KIFAP3: variants seen among roughly 807,000 people sequenced by gnomAD.
KIFAP3 encodes kinesin-associated protein 3.
In KIFAP3, 68 loss-of-function variants were observed where a neutral mutation model predicts 106.5. The observed-to-expected ratio is 0.64, with a 90% CI of 0.53 to 0.78. The LOEUF is 0.78. KIFAP3 is among the 30% of genes least tolerant of loss of function. The pLI is 0.00. For missense variants in KIFAP3, 780 were observed against 941.8 expected (o/e 0.83, Z 2.25); for synonymous variants, 320 against 311.5 (o/e 1.03, Z -0.29).
chr1:169,984,731 G>T, intron 11 of KIFAP3, 41 bp from the exon 12 acceptor site: 1 of 1,085,094 alleles, frequency 9.2e-7, no homozygotes, highest in Non-Finnish European at 1.4e-6. Context: ...AAGAAACAAA[G>T]ACAAAAAACC....
chr1:170,033,600 G>A (rs561447626), intron 7 of KIFAP3, among the ~76,000 whole-genome samples: 1 of 151,838 alleles, frequency 6.6e-6, no homozygotes, highest in Non-Finnish European at 1.5e-5. Flanking sequence ...CTTCAAATAT[G>A]AGAAGAATTA....
At chr1:170,052,441 G>A (rs888283948) in intron 2 of KIFAP3, among the ~76,000 whole-genome samples, 4 of 152,122 alleles carry the variant, frequency 2.6e-5, no homozygotes, top group African/African-American at 9.7e-5. Flanking sequence ...CATTATTTCT[G>A]AAACTATTCC....
intron 10 of KIFAP3, among the ~76,000 whole-genome samples, chr1:170,000,668 G>A (rs1006920505): frequency 4.6e-5 from 7 of 152,034 alleles, no homozygotes; most frequent in Non-Finnish European, 8.8e-5. Context: ...AGCATATACT[G>A]CAGATATATA....
chr1:170,066,207 C>G (rs900826474), intron 1 of KIFAP3, among the ~76,000 whole-genome samples: 1 of 137,116 alleles, frequency 7.3e-6, no homozygotes, highest in African/African-American at 2.8e-5. Flanking sequence ...TTATAGCTGT[C>G]ATATGCATTA....
chr1:169,982,957 G>T (rs886485424), intron 13 of KIFAP3, 90 bp from the exon 14 acceptor site: 1 of 759,002 alleles, frequency 1.3e-6, no homozygotes. Context: ...CTCATTGAAA[G>T]AAAAAGTAAA....
intron 1 of KIFAP3, among the ~76,000 whole-genome samples, chr1:170,064,272 T>G (rs1671325677): frequency 6.6e-6 from 1 of 152,242 alleles, no homozygotes; most frequent in Admixed American, 6.5e-5. Context: ...GGACTCCTGG[T>G]GAAATGTTGA....
chr1:170,016,766 T>G (rs1668545126), intron 9 of KIFAP3, 142 bp from the exon 10 acceptor site: 1 of 502,256 alleles, frequency 2.0e-6, no homozygotes, highest in Non-Finnish European at 3.3e-6. Flanking sequence ...TTTCATTCTG[T>G]AAACTTTCCT....
intron 11 of KIFAP3, among the ~76,000 whole-genome samples, chr1:169,985,010 T>C (rs538376397): frequency 1.3e-5 from 2 of 151,756 alleles, no homozygotes; most frequent in South Asian, 2.1e-4. Flanking sequence ...GCAAAGAAAA[T>C]AGCTTATGCA....
At chr1:169,925,896 T>C (rs1396356905) in intron 19 of KIFAP3, among the ~76,000 whole-genome samples, 1 of 152,160 alleles carries the variant, frequency 6.6e-6, no homozygotes, top group East Asian at 1.9e-4. Context: ...TAAAACGAGA[T>C]AAAAGCAACA....
At chr1:170,068,241 CAA>C (rs1175999039) in intron 1 of KIFAP3, 1 of 152,088 alleles carries the variant, frequency 6.6e-6, no homozygotes. Flanking sequence ...TGCTACAGCA[CAA>C]ACACTGGACT....
chr1:170,064,621 T>C (rs12137279), intron 1 of KIFAP3, among the ~76,000 whole-genome samples: 9,632 of 152,308 alleles, frequency 0.063, 388 homozygotes, highest in Non-Finnish European at 0.095. Context: ...CCCAAAGTGC[T>C]GGGATGACAG....
At chr1:170,084,943 G>T (rs1459980381) in intron 1 of KIFAP3, 1 of 152,104 alleles carries the variant, frequency 6.6e-6, no homozygotes, top group African/African-American at 2.4e-5. Context: ...AAAACAGAGG[G>T]GTTAGAATTA....
chr1:169,927,692 G>A (rs1663219754), intron 19 of KIFAP3, among the ~76,000 whole-genome samples: 1 of 152,144 alleles, frequency 6.6e-6, no homozygotes, highest in African/African-American at 2.4e-5. Context: ...AGATCTCACA[G>A]GCAAAGAGAG....
chr1:170,077,479 T>C (rs1671943673), upstream of KIFAP3, among the ~76,000 whole-genome samples: 1 of 152,224 alleles, frequency 6.6e-6, no homozygotes, highest in Admixed American at 6.5e-5. Context: ...ACTAGAACTT[T>C]ACATATGACA....
At chr1:169,984,545 T>C (rs759910821) in intron 12 of KIFAP3, 37 bp downstream of exon 12, 1 of 917,142 alleles carries the variant, frequency 1.1e-6, no homozygotes, top group Non-Finnish European at 1.8e-6. Context: ...CCAAATACCA[T>C]ATGCTAAAAA....
intron 2 of KIFAP3, among the ~76,000 whole-genome samples, chr1:170,050,105 A>C (rs1670494405): frequency 6.6e-6 from 1 of 152,190 alleles, no homozygotes; most frequent in Admixed American, 6.5e-5. Context: ...ATAAAAGGTT[A>C]CAGGAACTGA....
chr1:170,007,269 C>G (rs1668012735), intron 10 of KIFAP3, among the ~76,000 whole-genome samples: 2 of 149,198 alleles, frequency 1.3e-5, no homozygotes, highest in African/African-American at 5.0e-5. Context: ...GGGGAGGGGA[C>G]AGAAAGAGGA....
In KIFAP3 at chr1:170,064,026, T is replaced by C. The variant is rs1671312546; in HGVS notation, c.33-8590A>G. 2.0e-5 allele frequency among the ~76,000 whole-genome samples: 3 copies of C among 152,230 alleles called. No homozygotes were observed. The South Asian group carries it at 6.2e-4, about 31-fold the overall frequency. ...TTATATTGTTATTTGCATTTGTAAA[T>C]AACTTTTTTGCTAACAATATTTAAC... On this transcript the variant is annotated intron_variant, in intron 1 of 19. Transcript: ENST00000361580.
chr1:170,024,680 C>A, intron 8 of KIFAP3, 84 bp from the exon 9 acceptor site: 1 of 759,094 alleles, frequency 1.3e-6, no homozygotes, highest in Non-Finnish European at 2.0e-6. Context: ...ACCAAGGCAA[C>A]AGAGATAGCC....
Sources: gnomAD v4.1 joint callset for allele counts (sites outside exome capture counted in the v4.1 genomes callset) on GRCh38, gnomAD v4.1.1 for gene constraint, MANE v1.5 for transcripts, NCBI Gene and HGNC (gene_info 2026-07-23, HGNC 2026-07-21) for gene names.